ERC1: variants seen among roughly 807,000 people sequenced by gnomAD.
The protein encoded by ERC1 is RAB6 interacting protein 2.
ERC1 carries 56 observed loss-of-function variants against 132.0 expected under a neutral mutation model. The ratio of observed to expected loss-of-function variants is 0.42; its 90% CI spans 0.34 to 0.53. The LOEUF (loss-of-function observed/expected upper bound fraction) is 0.53. ERC1 is among the 20% of genes least tolerant of loss of function. ERC1 has a pLI of 0.03. For synonymous variants in ERC1, 478 were observed against 476.1 expected, an observed-to-expected ratio of 1.00 and a Z score of -0.05; for missense variants, 1,202 against 1,349.9, an observed-to-expected ratio of 0.89 and a Z score of 1.72.
rs1056270753 is a variant in ERC1 at position 1,444,508 on chromosome 12, A to G, written c.3025-54A>G. ...AGAATATTTGAACCTCTCATTTCAG[A>G]CTGACCTTGACTTTCCTCATTTTAT... is the stretch of plus-strand genomic sequence containing the variant. On this transcript the variant is annotated intron_variant, in intron 17 of 18. Transcript: ENST00000360905. The G allele has an allele frequency of 4.4e-5, 58 of 1,305,830 alleles. 1 individual carries two copies. The Admixed American group carries it at 1.1e-3, about 24-fold the overall frequency. The allele number at this position is 1,305,830 out of a possible 1,614,324, so 80.9% of individuals were successfully genotyped here.
chr12:1,049,195 T>C (rs1323110526), intron 2 of ERC1, among the ~76,000 whole-genome samples: 1 of 152,232 alleles, frequency 6.6e-6, no homozygotes. Flanking sequence ...ATTACCGTCA[T>C]TGATACTGGA....
intron 12 of ERC1, among the ~76,000 whole-genome samples, chr12:1,196,838 C>CTCTCTCTG (rs1555299913): frequency 6.0e-5 from 6 of 99,398 alleles, no homozygotes; most frequent in African/African-American, 2.7e-4. Flanking sequence ...CTCTGTCTGT[C>CTCTCTCTG]TCTCTGTCTG....
chr12:1,264,340 CA>C (rs769389214), intron 14 of ERC1, among the ~76,000 whole-genome samples: 33 of 152,140 alleles, frequency 2.2e-4, no homozygotes, highest in Non-Finnish European at 4.4e-4. Flanking sequence ...GTTATAATCC[CA>C]GCTCCCATTA....
chr12:1,381,267 A>C (rs1193636148), intron 16 of ERC1: 1 of 152,234 alleles, frequency 6.6e-6, no homozygotes, highest in African/African-American at 2.4e-5. Context: ...GAATATTCAG[A>C]ATTTGACAGA....
intron 17 of ERC1, among the ~76,000 whole-genome samples, chr12:1,410,764 C>G (rs1476768688): frequency 1.3e-5 from 2 of 150,156 alleles, no homozygotes; most frequent in Non-Finnish European, 1.5e-5. Context: ...TATTAATTAC[C>G]CTTTCTAGGG....
At chr12:1,396,413 AC>A (rs1282716178) in intron 16 of ERC1, among the ~76,000 whole-genome samples, 3 of 152,210 alleles carry the variant, frequency 2.0e-5, no homozygotes, top group Non-Finnish European at 2.9e-5. Context: ...CTTGAATTCA[AC>A]AAACATATAA....
chr12:1,007,287 G>A (rs1304935529), intron 1 of ERC1, among the ~76,000 whole-genome samples: 1 of 152,178 alleles, frequency 6.6e-6, no homozygotes, highest in African/African-American at 2.4e-5. Flanking sequence ...TTGAGTAAAG[G>A]AAATAACAGG....
At chr12:1,278,188 T>C (rs2078415012) in intron 14 of ERC1, among the ~76,000 whole-genome samples, 1 of 152,252 alleles carries the variant, frequency 6.6e-6, no homozygotes, top group Non-Finnish European at 1.5e-5. Flanking sequence ...TCAAAGAGAA[T>C]TCTGCCATCT....
rs771102189 is a variant in ERC1 at position 1,493,531 on chromosome 12, T to TAAAAAAAAAAAAAAAA, written c.*3304_*3319dup. ...CAGCCTGGGTGACAGAGACTCCATT[T>TAAAAAAAAAAAAAAAA]AAAAAAAAAAAAAAAAAATATATAT... On this transcript the variant is annotated 3_prime_UTR_variant, in exon 19 of 19. Transcript: ENST00000360905. 2.4e-5 allele frequency: 1 copy of TAAAAAAAAAAAAAAAA among 42,382 alleles called. No individual in the cohort carries two copies. The highest frequency in any genetic ancestry group is 8.9e-5 in the African/African-American group (1 of 11,212). 2.6% of individuals were successfully genotyped at this position (42,382 alleles called of 1,614,324 possible).
intron 3 of ERC1, among the ~76,000 whole-genome samples, chr12:1,098,171 T>G (rs1030704753): frequency 6.6e-6 from 1 of 152,224 alleles, no homozygotes; most frequent in African/African-American, 2.4e-5. Flanking sequence ...TTATTTTCTC[T>G]CAAGGATCAT....
Position 1,494,105 on chromosome 12 carries a change from G to A in ERC1, c.*3875G>A, listed in dbSNP as rs185417786. ...AGAGCCAAGCAGAGAAGACCGCTGC[G>A]TGGAGTGTGACACCACATGGCATTT... On this transcript the variant is annotated 3_prime_UTR_variant, in exon 19 of 19. Coordinates refer to ENST00000360905, the MANE Select transcript of ERC1 (RefSeq NM_178040.4). 25 of 232,024 alleles carry A rather than the reference G, an allele frequency of 1.1e-4. No homozygotes were observed. The highest frequency in any genetic ancestry group is 1.8e-4 in the African/African-American group (8 of 45,362). 14.4% of individuals were successfully genotyped at this position (232,024 alleles called of 1,614,324 possible).
chr12:1,052,842 C>T (rs547786752), intron 2 of ERC1, among the ~76,000 whole-genome samples: 2 of 151,904 alleles, frequency 1.3e-5, no homozygotes, highest in Non-Finnish European at 2.9e-5. Flanking sequence ...TGGTGGCAGG[C>T]GCCTGCAATC....
chr12:1,157,070 G>C (rs952488497), intron 8 of ERC1, among the ~76,000 whole-genome samples: 5 of 152,016 alleles, frequency 3.3e-5, no homozygotes, highest in Admixed American at 6.6e-5. Context: ...GTCACACTTT[G>C]AAAGTCCTTA....
At chr12:1,379,695 G>T (rs576141343) in intron 16 of ERC1, among the ~76,000 whole-genome samples, 1 of 152,224 alleles carries the variant, frequency 6.6e-6, no homozygotes, top group East Asian at 1.9e-4. Context: ...GGGGTCCTCT[G>T]TAGGGTTACT....
chr12:1,382,498 T>A (rs961534716), intron 16 of ERC1, among the ~76,000 whole-genome samples: 4 of 152,234 alleles, frequency 2.6e-5, no homozygotes, highest in African/African-American at 9.6e-5. Flanking sequence ...CTAATGTGTT[T>A]TTTATTTTTA....
chr12:1,478,274 A>AT (rs2094012917), intron 18 of ERC1, among the ~76,000 whole-genome samples: 1 of 151,948 alleles, frequency 6.6e-6, no homozygotes, highest in African/African-American at 2.4e-5. Flanking sequence ...TCTCCTTGTG[A>AT]TTTTAACTTG....
chr12:1,096,536 A>G (rs10505721), intron 3 of ERC1, among the ~76,000 whole-genome samples: 29,367 of 152,110 alleles, frequency 0.19, 3,626 homozygotes, highest in African/African-American at 0.33. Context: ...GTGCCCAGTC[A>G]ATCACCTTGT....
chr12:1,098,819 A>G (rs1012109554), intron 3 of ERC1, among the ~76,000 whole-genome samples: 1 of 152,208 alleles, frequency 6.6e-6, no homozygotes, highest in Non-Finnish European at 1.5e-5. Context: ...GTAGTAGATT[A>G]AAGAGTTTAG....
At chr12:1,306,366 T>C (rs1352104973) in intron 15 of ERC1, among the ~76,000 whole-genome samples, 2 of 152,238 alleles carry the variant, frequency 1.3e-5, no homozygotes, top group African/African-American at 2.4e-5. Context: ...CACCCGTTAA[T>C]ACTGAAGTAG....
Sources: allele counts gnomAD v4.1 joint callset (sites outside exome capture counted in the v4.1 genomes callset), GRCh38; gene constraint gnomAD v4.1.1; transcripts MANE v1.5; gene names NCBI Gene and HGNC (gene_info 2026-07-23, HGNC 2026-07-21).